Variants in RBMS3 observed in about 807,000 individuals in gnomAD.
The protein encoded by RBMS3 is RNA binding motif single stranded interacting protein 3, also known as RNA-binding motif, single-stranded-interacting protein 3.
In RBMS3, 27 loss-of-function variants were observed where a neutral mutation model predicts 66.8. The observed-to-expected ratio is 0.40, with a 90% CI of 0.30 to 0.56. The LOEUF (loss-of-function observed/expected upper bound fraction) is 0.56. Ranked by LOEUF, RBMS3 falls within the 20% of genes least tolerant of loss-of-function variation. The pLI, the probability that RBMS3 is intolerant of heterozygous loss-of-function variation, is 0.40. For synonymous variants in RBMS3, 188 were observed against 183.0 expected (o/e 1.03, Z -0.22); for missense variants, 513 against 549.5 (o/e 0.93, Z 0.66).
chr3:29,369,238 A>G (rs1014006999), intron 1 of RBMS3, among the ~76,000 whole-genome samples: 9 of 152,022 alleles, frequency 5.9e-5, no homozygotes, highest in African/African-American at 2.2e-4. Flanking sequence ...GGGTGATGAA[A>G]TAATCTTACA....
chr3:29,842,921 T>C (rs1019986377), intron 6 of RBMS3, among the ~76,000 whole-genome samples: 4 of 152,212 alleles, frequency 2.6e-5, no homozygotes, highest in Admixed American at 6.5e-5. Flanking sequence ...CCTACTGATA[T>C]TTTAATTTCA....
rs186778914 is a variant in RBMS3, at chr3:29,564,057, G to A, written c.308-23057G>A. ...AAGAGAAGAAAAGAAAGAAGGAAAG[G>A]TAGAAAGAAAAGAAGGAAAGAAAAT... is the stretch of plus-strand genomic sequence containing the variant. On this transcript the variant is annotated intron_variant, in intron 3 of 14. Coordinates refer to ENST00000383767, the MANE Select transcript of RBMS3 (RefSeq NM_001003793.3). Among the ~76,000 whole-genome samples, 713 of 151,242 alleles carry A rather than the reference G, an allele frequency of 4.7e-3. 10 individuals carry two copies. Among genetic ancestry groups the A allele is most frequent in the Non-Finnish European group, 7.5e-3 (506 of 67,856 alleles).
chr3:29,661,213 TGTATCAGA>T (rs755355890), intron 4 of RBMS3, among the ~76,000 whole-genome samples: 26 of 152,178 alleles, frequency 1.7e-4, no homozygotes, highest in Admixed American at 2.6e-4. Context: ...ACAAAAGAGT[TGTATCAGA>T]CAGATTCTAC....
chr3:29,435,226 CA>C (rs1447945613), intron 2 of RBMS3, among the ~76,000 whole-genome samples: 3 of 152,146 alleles, frequency 2.0e-5, no homozygotes, highest in Non-Finnish European at 4.4e-5. Flanking sequence ...CCAGTGGAGT[CA>C]TTGATGAGTC....
chr3:29,995,217 A>C (rs1699139737), intron 14 of RBMS3, among the ~76,000 whole-genome samples: 1 of 152,084 alleles, frequency 6.6e-6, no homozygotes, highest in Non-Finnish European at 1.5e-5. Flanking sequence ...TTAGAGAAAA[A>C]AGAATAAAAA....
At chr3:29,434,615 ATG>A (rs1017464852) in intron 1 of RBMS3, 126 bp from the exon 2 acceptor site, 26 of 1,265,768 alleles carry the variant, frequency 2.1e-5, no homozygotes, top group South Asian at 6.2e-5. Context: ...AGTGATATAA[ATG>A]TGTGTGTGTA....
At chr3:29,375,589 A>G (rs2038424351) in intron 1 of RBMS3, among the ~76,000 whole-genome samples, 1 of 152,230 alleles carries the variant, frequency 6.6e-6, no homozygotes, top group South Asian at 2.1e-4. Flanking sequence ...TGCAGCCAAC[A>G]AACATATGAA....
At chr3:29,813,184 G>A (rs2057776571) in intron 6 of RBMS3, among the ~76,000 whole-genome samples, 1 of 151,842 alleles carries the variant, frequency 6.6e-6, no homozygotes, top group East Asian at 1.9e-4. Flanking sequence ...TTAACTAATT[G>A]CTTAGGATAA....
intron 6 of RBMS3, among the ~76,000 whole-genome samples, chr3:29,787,789 A>G (rs2056869789): frequency 6.6e-6 from 1 of 152,172 alleles, no homozygotes. Context: ...TCATTAAAGA[A>G]CTTATTCATG....
At chr3:29,855,960 TA>T (rs568383224) in intron 6 of RBMS3, among the ~76,000 whole-genome samples, 4 of 152,140 alleles carry the variant, frequency 2.6e-5, no homozygotes, top group Admixed American at 2.0e-4. Context: ...TTTAAATTGT[TA>T]AAAAAAGGCA....
chr3:29,379,111 A>T (rs928132713), intron 1 of RBMS3, among the ~76,000 whole-genome samples: 3 of 152,188 alleles, frequency 2.0e-5, no homozygotes, highest in African/African-American at 7.2e-5. Flanking sequence ...TGAGCACTGA[A>T]CACACATATA....
intron 4 of RBMS3, among the ~76,000 whole-genome samples, chr3:29,628,865 G>A (rs1265429094): frequency 6.6e-6 from 1 of 152,030 alleles, no homozygotes; most frequent in East Asian, 1.9e-4. Context: ...TTCACAATTA[G>A]AATCTAATTC....
intron 2 of RBMS3, among the ~76,000 whole-genome samples, chr3:29,468,350 G>C (rs1231427766): frequency 1.3e-5 from 2 of 152,100 alleles, no homozygotes; most frequent in African/African-American, 4.8e-5. Flanking sequence ...AGCTTGTTTA[G>C]ATAACTGCAC....
intron 6 of RBMS3, among the ~76,000 whole-genome samples, chr3:29,815,015 T>C (rs1193535849): frequency 1.3e-5 from 2 of 152,168 alleles, no homozygotes; most frequent in Admixed American, 1.3e-4. Context: ...AAAGACATCC[T>C]GAGGAGGAGG....
chr3:29,622,411 G>A (rs899847072), intron 4 of RBMS3, among the ~76,000 whole-genome samples: 6 of 152,196 alleles, frequency 3.9e-5, no homozygotes, highest in Non-Finnish European at 1.5e-5. Context: ...GTGTTGTTGA[G>A]AGTGTGCATG....
At chr3:29,697,515 C>G (rs921672964) in intron 4 of RBMS3, among the ~76,000 whole-genome samples, 4 of 152,164 alleles carry the variant, frequency 2.6e-5, no homozygotes, top group African/African-American at 9.7e-5. Flanking sequence ...TTATTTTAAT[C>G]TAATATTCTG....
chr3:29,649,534 T>G (rs2050066739), intron 4 of RBMS3, among the ~76,000 whole-genome samples: 1 of 152,166 alleles, frequency 6.6e-6, no homozygotes, highest in Non-Finnish European at 1.5e-5. Context: ...TTACAAGTCA[T>G]AAGGGAAAAA....
chr3:29,817,329 G>A (rs960644425), intron 6 of RBMS3, among the ~76,000 whole-genome samples: 1 of 151,528 alleles, frequency 6.6e-6, no homozygotes, highest in African/African-American at 2.4e-5. Flanking sequence ...TCAGTGTCCC[G>A]AGTAACTGGG....
intron 4 of RBMS3, among the ~76,000 whole-genome samples, chr3:29,588,334 A>T (rs974802831): frequency 6.6e-6 from 1 of 152,108 alleles, no homozygotes. Flanking sequence ...TAATGTATTC[A>T]TGCTCTGCTC....
Sources: gnomAD v4.1 joint callset for allele counts (sites outside exome capture counted in the v4.1 genomes callset) on GRCh38, gnomAD v4.1.1 for gene constraint, MANE v1.5 for transcripts, NCBI Gene and HGNC (gene_info 2026-07-23, HGNC 2026-07-21) for gene names.